Variants in XPO4 observed in about 807,000 individuals in gnomAD.
XPO4 encodes exportin-4.
Under a neutral mutation model 143.0 loss-of-function variants are expected in XPO4, and 39 were observed. The observed-to-expected ratio is 0.27, with a 90% CI of 0.21 to 0.36. The LOEUF is 0.36. Among genes scored for constraint, XPO4 ranks in the 10% least tolerant of loss-of-function variants. The pLI is 1.00. For synonymous variants in XPO4, 439 were observed against 474.0 expected, an observed-to-expected ratio of 0.93 and a Z score of 0.96; for missense variants, 907 against 1,348.0, an observed-to-expected ratio of 0.67 and a Z score of 5.12.
intron 20 of XPO4, 97 bp downstream of exon 20, chr13:20,788,389 A>G (rs1407679799): frequency 1.3e-6 from 2 of 1,500,074 alleles, no homozygotes; most frequent in Non-Finnish European, 1.8e-6. Context: ...TTGAACCATA[A>G]AAGAAAAATG....
intron 1 of XPO4, among the ~76,000 whole-genome samples, chr13:20,887,609 C>T (rs560301356): frequency 6.6e-6 from 1 of 152,200 alleles, no homozygotes; most frequent in Non-Finnish European, 1.5e-5. Context: ...AATCCCAGCA[C>T]TTTGGGAGGC....
At chr13:20,799,834 G>T (rs1256806242) in intron 15 of XPO4, among the ~76,000 whole-genome samples, 1 of 152,068 alleles carries the variant, frequency 6.6e-6, no homozygotes, top group Non-Finnish European at 1.5e-5. Flanking sequence ...TTTAAAATGG[G>T]GATGTCTAAA....
rs933032152 is a variant in XPO4, at chr13:20,875,560, T to C, written c.70-6859A>G. Among the ~76,000 whole-genome samples, 8 of 152,210 alleles carry C rather than the reference T, an allele frequency of 5.3e-5. No homozygotes were observed. The South Asian group carries it at 6.2e-4, about 12-fold the overall frequency. On this transcript the variant is annotated intron_variant, in intron 1 of 22. Coordinates refer to ENST00000255305, the MANE Select transcript of XPO4 (RefSeq NM_022459.5). ...TGCAAAATATTCCCTCCTCCATAAC[T>C]GCCTCTTAAATCTATGTCCTCCTCT...
At chr13:20,861,775 C>CTTTT (rs1566613499) in intron 3 of XPO4, among the ~76,000 whole-genome samples, 1 of 123,212 alleles carries the variant, frequency 8.1e-6, no homozygotes, top group African/African-American at 3.2e-5. Context: ...GCACATTTCT[C>CTTTT]TCTTTTTTTT....
intron 6 of XPO4, 45 bp from the exon 7 acceptor site, chr13:20,827,224 C>T (rs1390677879): frequency 1.5e-5 from 20 of 1,370,560 alleles, no homozygotes; most frequent in Non-Finnish European, 2.0e-5. Context: ...CTTACTTTGT[C>T]TAAAGTATAA....
At chr13:20,818,823 C>CT (rs1174686895) in intron 9 of XPO4, among the ~76,000 whole-genome samples, 2 of 151,776 alleles carry the variant, frequency 1.3e-5, no homozygotes, top group African/African-American at 4.8e-5. Context: ...TCCCCCTCCC[C>CT]TTTGTTTTTT....
chr13:20,848,774 T>C (rs1260511088), intron 4 of XPO4: 2 of 985,160 alleles, frequency 2.0e-6, no homozygotes, highest in East Asian at 1.1e-4. Flanking sequence ...GGAAAATAAA[T>C]GATGTGTTCC....
At chr13:20,833,179 C>A (rs558529540) in intron 6 of XPO4, among the ~76,000 whole-genome samples, 1 of 152,004 alleles carries the variant, frequency 6.6e-6, no homozygotes, top group African/African-American at 2.4e-5. Context: ...TACTTCTGAA[C>A]GGGCTTCTTT....
rs2059130683 is a variant in XPO4, at chr13:20,780,497, G to A, written c.*3225C>T. On this transcript the variant is annotated 3_prime_UTR_variant, in exon 23 of 23. Coordinates refer to ENST00000255305, the MANE Select transcript of XPO4 (RefSeq NM_022459.5). ...AGAGAAAGTTCAAAGACAGTTAAGG[G>A]GAGTGTTAAATAATGCTGACTGGGG... 6.6e-6 allele frequency: 1 copy of A among 152,068 alleles called. No individual in the cohort carries two copies. Among genetic ancestry groups the A allele is most frequent in the Admixed American group, 6.6e-5 (1 of 15,264 alleles). The allele number at this position is 152,068 out of a possible 1,614,324, so 9.4% of individuals were successfully genotyped here.
intron 19 of XPO4, 29 bp downstream of exon 19, chr13:20,790,433 G>T (rs1215209206): frequency 9.9e-6 from 15 of 1,508,606 alleles, no homozygotes; most frequent in Non-Finnish European, 1.4e-5. Flanking sequence ...ACACATAGTG[G>T]TATGTTCACA....
chr13:20,864,861 A>T (rs1023974713), intron 2 of XPO4, among the ~76,000 whole-genome samples: 3 of 151,980 alleles, frequency 2.0e-5, no homozygotes, highest in African/African-American at 4.8e-5. Flanking sequence ...GCTGACTCTA[A>T]GAATGGAGGA....
At chr13:20,886,121 A>G (rs886895624) in intron 1 of XPO4, among the ~76,000 whole-genome samples, 2 of 152,220 alleles carry the variant, frequency 1.3e-5, no homozygotes, top group Non-Finnish European at 2.9e-5. Flanking sequence ...TGAATATCAC[A>G]TTCTTTTCAA....
chr13:20,790,841 G>T (rs1263819828), intron 18 of XPO4, among the ~76,000 whole-genome samples: 1 of 152,108 alleles, frequency 6.6e-6, no homozygotes, highest in East Asian at 1.9e-4. Flanking sequence ...ACTTGATACA[G>T]AAGTATTGGG....
At chr13:20,797,130 C>G (rs554938746) in intron 16 of XPO4, 73 bp from the exon 17 acceptor site, 2 of 1,407,944 alleles carry the variant, frequency 1.4e-6, no homozygotes, top group Non-Finnish European at 1.9e-6. Flanking sequence ...GATACATATT[C>G]ACTTTCCAAA....
chr13:20,866,449 C>T (rs1813979398), intron 2 of XPO4: 1 of 893,136 alleles, frequency 1.1e-6, no homozygotes, highest in Non-Finnish European at 1.3e-6. Context: ...ATAAAAATGA[C>T]ACATAATCCC....
At chr13:20,897,963 G>C (rs1431698212) in intron 1 of XPO4, among the ~76,000 whole-genome samples, 1 of 152,124 alleles carries the variant, frequency 6.6e-6, no homozygotes, top group East Asian at 1.9e-4. Context: ...ATGTTGGCCA[G>C]GCTGGTCTCG....
chr13:20,805,598 A>G (rs761842613), intron 13 of XPO4, among the ~76,000 whole-genome samples: 1 of 152,168 alleles, frequency 6.6e-6, no homozygotes, highest in Non-Finnish European at 1.5e-5. Context: ...GATAAAGCCA[A>G]CACTCATCAC....
intron 14 of XPO4, 59 bp downstream of exon 14, chr13:20,800,772 T>A: frequency 6.4e-7 from 1 of 1,572,448 alleles, no homozygotes; most frequent in Non-Finnish European, 8.6e-7. Flanking sequence ...AAAATGTTCC[T>A]GCTTCTATAA....
At chr13:20,810,375 C>T (rs1457318078) in intron 9 of XPO4, among the ~76,000 whole-genome samples, 2 of 152,086 alleles carry the variant, frequency 1.3e-5, no homozygotes, top group Non-Finnish European at 2.9e-5. Context: ...CACCAGTGCT[C>T]CTTAACAAGA....
Sources: allele counts gnomAD v4.1 joint callset (sites outside exome capture counted in the v4.1 genomes callset), GRCh38; gene constraint gnomAD v4.1.1; transcripts MANE v1.5; gene names NCBI Gene and HGNC (gene_info 2026-07-23, HGNC 2026-07-21).